POU6F2: variants seen among roughly 807,000 people sequenced by gnomAD.
POU6F2 encodes the protein POU class 6 homeobox 2.
In POU6F2, 31 loss-of-function variants were observed where a neutral mutation model predicts 71.3. The ratio of observed to expected loss-of-function variants is 0.43; its 90% confidence interval spans 0.33 to 0.59. POU6F2 has a LOEUF of 0.59. Ranked by LOEUF, POU6F2 falls within the 20% of genes least tolerant of loss-of-function variation. POU6F2 has a pLI of 0.04. For missense variants in POU6F2, 783 were observed against 856.8 expected, an observed-to-expected ratio of 0.91 and a Z score of 1.07; for synonymous variants, 347 against 355.7, an observed-to-expected ratio of 0.98 and a Z score of 0.27.
In POU6F2 at chr7:39,199,870, A is replaced by G. The variant is rs572605579; in HGVS notation, c.278-4365A>G. The stretch of plus-strand genomic sequence containing the variant: ...CAGTATTTTGATGTCTTCACCATTT[A>G]TGACCTATCATTTCCATAATAGATT... On this transcript the variant is annotated intron_variant, in intron 2 of 9. Transcript: ENST00000518318. Among the ~76,000 whole-genome samples the G allele has an allele frequency of 1.2e-3, 185 of 152,358 alleles. 1 individual carries two copies. Among genetic ancestry groups the G allele is most frequent in the African/African-American group, 4.3e-3 (179 of 41,586 alleles).
At chr7:39,031,793 A>G (rs1203143253) in intron 1 of POU6F2, among the ~76,000 whole-genome samples, 1 of 152,020 alleles carries the variant, frequency 6.6e-6, no homozygotes, top group African/African-American at 2.4e-5. Flanking sequence ...AGGTGGGAGG[A>G]TATCATGAAC....
At chr7:39,386,525 A>G (rs150250697) in intron 5 of POU6F2, among the ~76,000 whole-genome samples, 2,237 of 152,298 alleles carry the variant, frequency 0.015, 31 homozygotes, top group Middle Eastern at 0.051. Flanking sequence ...CTCTGAGGAC[A>G]AGGGAGAACC....
At chr7:39,081,310 C>T (rs547074354) in intron 1 of POU6F2, among the ~76,000 whole-genome samples, 1 of 152,244 alleles carries the variant, frequency 6.6e-6, no homozygotes, top group Non-Finnish European at 1.5e-5. Flanking sequence ...CATTCCAGAT[C>T]TATTAGATAA....
intron 7 of POU6F2, 85 bp from the exon 8 acceptor site, chr7:39,451,448 A>C: frequency 7.6e-7 from 1 of 1,319,220 alleles, no homozygotes; most frequent in East Asian, 2.5e-5. Context: ...AAAATGATTC[A>C]CTCCCAGATA....
At chr7:39,072,927 T>C (rs1790913150) in intron 1 of POU6F2, among the ~76,000 whole-genome samples, 1 of 152,176 alleles carries the variant, frequency 6.6e-6, no homozygotes, top group Admixed American at 6.5e-5. Flanking sequence ...TGCGTAAACA[T>C]GATCAGGGTG....
chr7:39,239,056 G>A (rs1794728326), intron 4 of POU6F2, among the ~76,000 whole-genome samples: 1 of 152,056 alleles, frequency 6.6e-6, no homozygotes, highest in Non-Finnish European at 1.5e-5. Flanking sequence ...AGCACAAGAT[G>A]GTAATTACAT....
intron 1 of POU6F2, among the ~76,000 whole-genome samples, chr7:38,985,608 A>G (rs1001378033): frequency 6.6e-6 from 1 of 152,130 alleles, no homozygotes; most frequent in Non-Finnish European, 1.5e-5. Context: ...AAAATAAGAG[A>G]TTTTGTGAAA....
At chr7:39,387,364 C>A (rs7807957) in intron 5 of POU6F2, among the ~76,000 whole-genome samples, 25,635 of 152,168 alleles carry the variant, frequency 0.17, 2,460 homozygotes, top group East Asian at 0.48. Context: ...TGCATCCTTT[C>A]CATTGCAGTC....
At chr7:39,441,709 C>T (rs1054449961) in intron 7 of POU6F2, among the ~76,000 whole-genome samples, 1 of 152,186 alleles carries the variant, frequency 6.6e-6, no homozygotes, top group African/African-American at 2.4e-5. Context: ...TCTGTTACAA[C>T]ATTTTAAAGT....
chr7:39,387,332 A>C (rs1786967347), intron 5 of POU6F2, among the ~76,000 whole-genome samples: 1 of 152,182 alleles, frequency 6.6e-6, no homozygotes, highest in Non-Finnish European at 1.5e-5. Flanking sequence ...TCCCCTCCTA[A>C]GAGTTTTTTG....
At chr7:39,060,832 T>C (rs1457734962) in intron 1 of POU6F2, among the ~76,000 whole-genome samples, 2 of 152,008 alleles carry the variant, frequency 1.3e-5, no homozygotes, top group African/African-American at 4.8e-5. Context: ...CCAGTTGCTT[T>C]GGAGGCTGAG....
intron 4 of POU6F2, among the ~76,000 whole-genome samples, chr7:39,293,368 A>G (rs1025838856): frequency 1.3e-5 from 2 of 152,194 alleles, no homozygotes; most frequent in African/African-American, 4.8e-5. Flanking sequence ...GCTTCTGACA[A>G]TCCTAACAAG....
At chr7:39,461,114 G>T (rs924408990) in intron 9 of POU6F2, among the ~76,000 whole-genome samples, 1 of 152,124 alleles carries the variant, frequency 6.6e-6, no homozygotes, top group Non-Finnish European at 1.5e-5. Context: ...TCTGCCCAGA[G>T]ATGGCTATCA....
chr7:39,088,482 T>A (rs1015415610), intron 2 of POU6F2, among the ~76,000 whole-genome samples: 17 of 152,176 alleles, frequency 1.1e-4, no homozygotes, highest in Non-Finnish European at 2.9e-5. Flanking sequence ...CTGTTTTTTG[T>A]TTTTAGATGT....
intron 2 of POU6F2, among the ~76,000 whole-genome samples, chr7:39,095,541 A>G (rs1395530142): frequency 6.6e-6 from 1 of 152,172 alleles, no homozygotes; most frequent in Admixed American, 6.5e-5. Context: ...TAGAGTATCA[A>G]TATGTTTTTA....
At chr7:39,123,392 C>G (rs1284940428) in intron 2 of POU6F2, among the ~76,000 whole-genome samples, 2 of 152,168 alleles carry the variant, frequency 1.3e-5, no homozygotes, top group African/African-American at 4.8e-5. Context: ...ACCAAGGAAT[C>G]AAACATTCAG....
chr7:39,009,319 CTGTT>C (rs777561600), intron 1 of POU6F2, among the ~76,000 whole-genome samples: 54 of 151,926 alleles, frequency 3.6e-4, no homozygotes, highest in Non-Finnish European at 6.6e-4. Context: ...ATTTGGCTCT[CTGTT>C]TGTCTGTTGT....
intron 2 of POU6F2, among the ~76,000 whole-genome samples, chr7:39,095,573 C>G (rs1370128403): frequency 1.3e-5 from 2 of 152,050 alleles, no homozygotes; most frequent in Non-Finnish European, 2.9e-5. Flanking sequence ...TAACCTGAAC[C>G]CTGTAACGGT....
intron 4 of POU6F2, among the ~76,000 whole-genome samples, chr7:39,231,588 C>G (rs933259111): frequency 9.9e-5 from 15 of 152,118 alleles, no homozygotes; most frequent in Non-Finnish European, 1.6e-4. Context: ...TATTTTCCAT[C>G]CTTTCTTAGA....
Sources: allele counts gnomAD v4.1 joint callset (sites outside exome capture counted in the v4.1 genomes callset), GRCh38; gene constraint gnomAD v4.1.1; transcripts MANE v1.5; gene names NCBI Gene and HGNC (gene_info 2026-07-23, HGNC 2026-07-21).